MGAT4C: variants seen among roughly 807,000 people sequenced by gnomAD.
The protein encoded by MGAT4C is alpha-1,3-mannosyl-glycoprotein 4-beta-N-acetylglucosaminyltransferase C.
MGAT4C carries 19 observed loss-of-function variants against 40.1 expected under a neutral mutation model. The observed-to-expected ratio is 0.47, with a 90% CI of 0.33 to 0.70. MGAT4C has a LOEUF of 0.70. MGAT4C is among the 30% of genes least tolerant of loss of function. MGAT4C has a pLI of 0.02. For synonymous variants in MGAT4C, 181 were observed against 187.1 expected (o/e 0.97, Z 0.27); for missense variants, 491 against 563.2 (o/e 0.87, Z 1.30).
chr12:86,171,269 T>G (rs541180293), intron 1 of MGAT4C, among the ~76,000 whole-genome samples: 1 of 152,240 alleles, frequency 6.6e-6, no homozygotes, highest in African/African-American at 2.4e-5. Flanking sequence ...CTTGGGAGGC[T>G]GAGGCAGGAG....
At chr12:86,104,041 G>C (rs1875637523) in intron 1 of MGAT4C, among the ~76,000 whole-genome samples, 1 of 151,964 alleles carries the variant, frequency 6.6e-6, no homozygotes, top group South Asian at 2.1e-4. Flanking sequence ...CAAGTCCAGA[G>C]GTCTGAATTT....
At chr12:86,017,016 T>C (rs1889148903) in intron 2 of MGAT4C, among the ~76,000 whole-genome samples, 1 of 152,164 alleles carries the variant, frequency 6.6e-6, no homozygotes, top group African/African-American at 2.4e-5. Context: ...ACTCATACCA[T>C]TGAGTTCATA....
intron 2 of MGAT4C, among the ~76,000 whole-genome samples, chr12:86,021,476 A>G (rs1360073726): frequency 6.6e-6 from 1 of 151,616 alleles, no homozygotes; most frequent in East Asian, 2.0e-4. Flanking sequence ...TTCTCAGCAA[A>G]CTATTGCAAG....
At chr12:86,149,925 C>T (rs1442389041) in intron 1 of MGAT4C, among the ~76,000 whole-genome samples, 1 of 152,034 alleles carries the variant, frequency 6.6e-6, no homozygotes, top group African/African-American at 2.4e-5. Flanking sequence ...CTTGAATTAT[C>T]CTAGTTTACT....
At chr12:85,983,879 A>G (rs550681714) in intron 3 of MGAT4C, among the ~76,000 whole-genome samples, 7 of 152,214 alleles carry the variant, frequency 4.6e-5, no homozygotes, top group African/African-American at 1.7e-4. Context: ...TCGCTCGCCT[A>G]TTTTGCTGTG....
chr12:86,050,075 T>C (rs1892751505), intron 1 of MGAT4C, among the ~76,000 whole-genome samples: 1 of 152,040 alleles, frequency 6.6e-6, no homozygotes, highest in African/African-American at 2.4e-5. Context: ...TATTTTATAA[T>C]ATTCCACTTA....
chr12:86,188,304 G>A (rs1414908642), intron 1 of MGAT4C, among the ~76,000 whole-genome samples: 1 of 151,938 alleles, frequency 6.6e-6, no homozygotes, highest in African/African-American at 2.4e-5. Context: ...TTGGTGGCAG[G>A]ATACAAAAGA....
intron 2 of MGAT4C, among the ~76,000 whole-genome samples, chr12:86,036,013 G>A (rs956835547): frequency 4.0e-5 from 6 of 149,916 alleles, no homozygotes; most frequent in African/African-American, 1.2e-4. Flanking sequence ...GTAGTGTGAT[G>A]CCTCCAGCTT....
At chr12:86,235,982 C>T (rs201414152) in intron 1 of MGAT4C, among the ~76,000 whole-genome samples, 1 of 152,000 alleles carries the variant, frequency 6.6e-6, no homozygotes, top group Non-Finnish European at 1.5e-5. Context: ...TTAAGATATA[C>T]TCTTGGATTA....
At chr12:86,816,539 C>T (rs576554613) in intron 1 of MGAT4C, among the ~76,000 whole-genome samples, 3 of 151,624 alleles carry the variant, frequency 2.0e-5, no homozygotes, top group East Asian at 3.9e-4. Flanking sequence ...ATGAAGGTTA[C>T]GTACCAGCAA....
Position 86,383,411 on chromosome 12 carries a change from G to T in MGAT4C, c.-119-49284C>A, listed in dbSNP as rs796693546. 2.6e-5 allele frequency among the ~76,000 whole-genome samples: 4 copies of T among 152,052 alleles called. 1 individual carries two copies. The highest frequency in any genetic ancestry group is 7.2e-5 in the African/African-American group (3 of 41,500). On this transcript the variant is annotated intron_variant, in intron 3 of 7. Coordinates refer to the MGAT4C transcript ENST00000548651. ...TACTAAAAATACAAAAATTATCTGG[G>T]CGTGGTGGCATGCACCTGTAGTCCT...
At chr12:86,774,847 G>A (rs1321580288) in intron 1 of MGAT4C, among the ~76,000 whole-genome samples, 1 of 152,008 alleles carries the variant, frequency 6.6e-6, no homozygotes, top group African/African-American at 2.4e-5. Context: ...CTATAATGAG[G>A]TCTCATGAGT....
At chr12:86,745,316 T>C (rs1951136621) in intron 1 of MGAT4C, among the ~76,000 whole-genome samples, 1 of 151,472 alleles carries the variant, frequency 6.6e-6, no homozygotes, top group Non-Finnish European at 1.5e-5. Flanking sequence ...AATGAAGGAG[T>C]TCGCATCTGG....
intron 2 of MGAT4C, among the ~76,000 whole-genome samples, chr12:86,498,108 C>G (rs1262618231): frequency 6.6e-6 from 1 of 150,732 alleles, no homozygotes; most frequent in African/African-American, 2.4e-5. Context: ...TGGTCGTAAG[C>G]ACATATTCCT....
intron 2 of MGAT4C, among the ~76,000 whole-genome samples, chr12:86,634,475 T>C (rs1027331759): frequency 5.3e-5 from 8 of 152,078 alleles, no homozygotes; most frequent in African/African-American, 1.2e-4. Flanking sequence ...AAGTCAAGAG[T>C]CTAGCACAGT....
intron 1 of MGAT4C, among the ~76,000 whole-genome samples, chr12:86,089,579 GTGTTT>G (rs1053395374): frequency 4.0e-5 from 6 of 151,786 alleles, no homozygotes; most frequent in South Asian, 2.1e-4. Context: ...TATTTCTAAA[GTGTTT>G]TGTTTTGTTT....
rs146342070 is a variant in MGAT4C at position 86,782,144 on chromosome 12, C to T, written c.-261-54903G>A. Among the ~76,000 whole-genome samples, 460 of 149,480 alleles carry T rather than the reference C, an allele frequency of 3.1e-3. 4 individuals are homozygous for T. The highest frequency in any genetic ancestry group is 0.011 in the African/African-American group (445 of 40,574). On this transcript the variant is annotated intron_variant, in intron 1 of 7. Transcript: ENST00000548651. ...AGTAGCTGGGACTACAGCCATCCGC[C>T]ACCACGCCTGGCTAAATGTTTTTTG...
chr12:86,361,809 T>C (rs1337820502), intron 3 of MGAT4C, among the ~76,000 whole-genome samples: 1 of 152,208 alleles, frequency 6.6e-6, no homozygotes, highest in Non-Finnish European at 1.5e-5. Flanking sequence ...CCAGTTAGAA[T>C]GGCGATCATT....
chr12:86,520,924 T>A (rs939365509), intron 2 of MGAT4C, among the ~76,000 whole-genome samples: 34 of 152,184 alleles, frequency 2.2e-4, no homozygotes, highest in Non-Finnish European at 4.3e-4. Context: ...AAGAAATTGT[T>A]TTTTATCGAA....
Sources: allele counts gnomAD v4.1 joint callset (sites outside exome capture counted in the v4.1 genomes callset), GRCh38; gene constraint gnomAD v4.1.1; transcripts MANE v1.5; gene names NCBI Gene and HGNC (gene_info 2026-07-23, HGNC 2026-07-21).